PACC1: variants seen among roughly 807,000 people sequenced by gnomAD.
The protein encoded by PACC1 is proton-activated chloride channel.
Under a neutral mutation model 39.7 loss-of-function variants are expected in PACC1, and 34 were observed. The observed-to-expected ratio is 0.86, with a 90% CI of 0.65 to 1.14. The LOEUF (loss-of-function observed/expected upper bound fraction) is 1.14. Ranked by LOEUF, PACC1 falls within the 50% of genes most tolerant of loss-of-function variation. PACC1 has a pLI of 0.00. For synonymous variants in PACC1, 127 were observed against 160.6 expected (o/e 0.79, Z 1.58); for missense variants, 379 against 436.4 (o/e 0.87, Z 1.17).
Position 212,391,225 on chromosome 1 carries a change from T to C in PACC1, c.134-4125A>G, listed in dbSNP as rs114938303. Among the ~76,000 whole-genome samples the C allele has an allele frequency of 7.8e-3, 1,190 of 152,282 alleles. 17 individuals are homozygous for C. The highest frequency in any genetic ancestry group is 0.027 in the African/African-American group (1,120 of 41,554). On this transcript the variant is annotated intron_variant, in intron 2 of 7. Coordinates refer to ENST00000261455, the MANE Select transcript of PACC1 (RefSeq NM_018252.3). ...CAGACTGACATCTCACACGGCCAGG[T>C]ACCCTTCTGAGACAAAACCTCCAGA...
At chr1:212,377,777 G>A in intron 5 of PACC1, 71 bp from the exon 6 acceptor site, 2 of 1,559,174 alleles carry the variant, frequency 1.3e-6, no homozygotes, top group Non-Finnish European at 1.7e-6. Context: ...AGCCCCCACT[G>A]CAAGCTGGTT....
At chr1:212,388,978 T>C (rs1475426012) in intron 2 of PACC1, among the ~76,000 whole-genome samples, 2 of 152,176 alleles carry the variant, frequency 1.3e-5, no homozygotes, top group Non-Finnish European at 2.9e-5. Context: ...AGAGTAGCAG[T>C]GTCACATCAC....
chr1:212,407,430 A>C (rs1177675940), intron 2 of PACC1, among the ~76,000 whole-genome samples: 1 of 152,214 alleles, frequency 6.6e-6, no homozygotes, highest in Admixed American at 6.5e-5. Flanking sequence ...CAGAACTATA[A>C]GATAATAAAT....
chr1:212,405,309 A>G (rs1410637548), intron 2 of PACC1, among the ~76,000 whole-genome samples: 3 of 152,188 alleles, frequency 2.0e-5, no homozygotes. Flanking sequence ...AGTTACAGTA[A>G]AGGAGGAGAA....
chr1:212,413,918 C>T, intron 1 of PACC1: 1 of 1,534,566 alleles, frequency 6.5e-7, no homozygotes, highest in Non-Finnish European at 8.7e-7. Flanking sequence ...CTGACTTTGG[C>T]CAATGAGGCG....
intron 5 of PACC1, among the ~76,000 whole-genome samples, chr1:212,378,821 C>A (rs1204311197): frequency 6.6e-6 from 1 of 152,144 alleles, no homozygotes; most frequent in Non-Finnish European, 1.5e-5. Context: ...TTTGCCTCTG[C>A]CACTCCTGAG....
chr1:212,366,226 T>TG (rs1437890515), intron 7 of PACC1, among the ~76,000 whole-genome samples: 1 of 152,108 alleles, frequency 6.6e-6, no homozygotes, highest in Non-Finnish European at 1.5e-5. Context: ...CACTAACTCT[T>TG]GAAGGCAGAG....
chr1:212,414,228 G>T, intron 1 of PACC1: 1 of 868,692 alleles, frequency 1.2e-6, no homozygotes, highest in Non-Finnish European at 1.7e-6. Flanking sequence ...CCAAAAAACA[G>T]GTAATCAATC....
chr1:212,391,612 GAGA>G (rs1661322800), intron 2 of PACC1, among the ~76,000 whole-genome samples: 2 of 152,366 alleles, frequency 1.3e-5, no homozygotes, highest in African/African-American at 2.4e-5. Flanking sequence ...GATGTGTTGA[GAGA>G]AGAAGTCTTC....
Position 212,386,010 on chromosome 1 carries a change from C to T in PACC1, c.344-585G>A, listed in dbSNP as rs988138752. On this transcript the variant is annotated intron_variant, in intron 3 of 7. Transcript: ENST00000261455. The surrounding 1 kb of genome is among the most constrained non-coding windows in gnomAD (Gnocchi z 5.0). ...AAGACACCAGACAGAGAAAGTAAAA[C>T]GTACAGATAAAGAAGACTCAAGCAG... Among the ~76,000 whole-genome samples the T allele has an allele frequency of 1.3e-5, 2 of 152,082 alleles. No individual in the cohort carries two copies. Among genetic ancestry groups the T allele is most frequent in the Non-Finnish European group, 2.9e-5 (2 of 68,020 alleles).
rs1488338727 is a variant in PACC1 at position 212,377,627 on chromosome 1, C to G, written c.718G>C (p.Val240Leu). 1 of 1,614,216 alleles carries G rather than the reference C, an allele frequency of 6.2e-7. No homozygotes were observed. Among genetic ancestry groups the G allele is most frequent in the Non-Finnish European group, 8.5e-7 (1 of 1,180,034 alleles). ...TTGGTCTTTACCAGTGACATCTTGA[C>G]CCAGGTGCGGAAGCCCCCAGAGAAC... ...WKFSGGFRTW[V>L]KMSLVKTKEE... is the part of the protein sequence containing the mutation. The change falls in exon 6 of 8, where the codon GTC becomes CTC. Residue 240 changes from valine to leucine, a missense_variant. Val to Leu is a conservative substitution (Grantham distance 32). Coordinates refer to ENST00000261455, the MANE Select transcript of PACC1 (RefSeq NM_018252.3).
rs1478904865 is a variant in PACC1, at chr1:212,364,262, C to G, written c.*953G>C. On this transcript the variant is annotated 3_prime_UTR_variant, in exon 8 of 8. Transcript: ENST00000261455. ...TTGTGGACACAGTAAAGAGTTAACC[C>G]AGCTTCCTCGGGGACACCAGGTCAC... 1 of 152,118 alleles carries G rather than the reference C, an allele frequency of 6.6e-6. No individual in the cohort carries two copies. The highest frequency in any genetic ancestry group is 1.5e-5 in the Non-Finnish European group (1 of 68,018). 9.4% of individuals were successfully genotyped at this position (152,118 alleles called of 1,614,324 possible).
intron 1 of PACC1, chr1:212,413,966 G>A: frequency 6.5e-7 from 1 of 1,535,856 alleles, no homozygotes; most frequent in South Asian, 1.2e-5. Flanking sequence ...GGTTGCCAAA[G>A]ATGACCAAGG....
intron 2 of PACC1, among the ~76,000 whole-genome samples, chr1:212,408,124 G>C (rs1399298533): frequency 6.6e-6 from 1 of 151,634 alleles, no homozygotes; most frequent in African/African-American, 2.4e-5. Flanking sequence ...GAGAGTTTAG[G>C]GTTGGGCAGA....
chr1:212,398,756 C>T (rs893228185), intron 2 of PACC1, among the ~76,000 whole-genome samples: 7 of 152,208 alleles, frequency 4.6e-5, no homozygotes, highest in African/African-American at 1.4e-4. Context: ...TTGCTATCTG[C>T]CTTCTCTCCA....
intron 2 of PACC1, among the ~76,000 whole-genome samples, chr1:212,396,458 G>A (rs1298881792): frequency 3.9e-5 from 6 of 152,044 alleles, no homozygotes; most frequent in Non-Finnish European, 7.4e-5. Flanking sequence ...AAGGGGTAGG[G>A]ATAGCATTAG....
At chr1:212,398,736 C>T (rs1661607146) in intron 2 of PACC1, among the ~76,000 whole-genome samples, 1 of 152,212 alleles carries the variant, frequency 6.6e-6, no homozygotes, top group Admixed American at 6.5e-5. Flanking sequence ...ATTTCTGCTC[C>T]TTCATGGCTT....
chr1:212,404,138 G>A (rs977097849), intron 2 of PACC1, among the ~76,000 whole-genome samples: 12 of 150,550 alleles, frequency 8.0e-5, no homozygotes, highest in Non-Finnish European at 1.6e-4. Flanking sequence ...ACAGAGTCTC[G>A]CTCTGTCGCC....
At chr1:212,398,101 A>T (rs1199626319) in intron 2 of PACC1, among the ~76,000 whole-genome samples, 2 of 152,232 alleles carry the variant, frequency 1.3e-5, no homozygotes, top group African/African-American at 4.8e-5. Flanking sequence ...CAATGGTAAC[A>T]ATTACTGGTA....
Sources: gnomAD v4.1 joint callset for allele counts (sites outside exome capture counted in the v4.1 genomes callset) on GRCh38, gnomAD v4.1.1 for gene constraint, Gnocchi (gnomAD v3.1) non-coding constraint, MANE v1.5 for transcripts, NCBI Gene and HGNC (gene_info 2026-07-23, HGNC 2026-07-21) for gene names.